PRDM16: variants seen among roughly 807,000 people sequenced by gnomAD.
PRDM16 encodes the protein PR/SET domain 16, also known as histone-lysine N-methyltransferase PRDM16.
PRDM16 carries 23 observed loss-of-function variants against 110.6 expected under a neutral mutation model. The observed-to-expected ratio is 0.21, with a 90% CI of 0.15 to 0.29. PRDM16 has a LOEUF of 0.29. PRDM16 is among the 10% of genes least tolerant of loss of function. The pLI is 1.00. For synonymous variants in PRDM16, 799 were observed against 781.8 expected (o/e 1.02, Z -0.37); for missense variants, 1,615 against 1,794.3 (o/e 0.90, Z 1.81).
chr1:3,375,410 G>T (rs1351775089), intron 3 of PRDM16, among the ~76,000 whole-genome samples: 1 of 152,204 alleles, frequency 6.6e-6, no homozygotes. Context: ...CAAGAACCTG[G>T]GTCTGAGTCA....
At chr1:3,090,120 T>A (rs957328055) in intron 1 of PRDM16, among the ~76,000 whole-genome samples, 2 of 152,232 alleles carry the variant, frequency 1.3e-5, no homozygotes, top group East Asian at 3.8e-4. Context: ...TGGCCCTGTG[T>A]GCTCATTCGT....
intron 3 of PRDM16, among the ~76,000 whole-genome samples, chr1:3,249,876 A>G (rs1304630345): frequency 6.6e-6 from 1 of 152,230 alleles, no homozygotes; most frequent in Non-Finnish European, 1.5e-5. Context: ...GAGAACAATA[A>G]TGTTGAGGTC....
rs1300993744 is a variant in PRDM16 at position 3,412,131 on chromosome 1, G to T, written c.1934G>T (p.Gly645Val). 1 of 1,565,106 alleles carries T rather than the reference G, an allele frequency of 6.4e-7. No homozygotes were observed. The highest frequency in any genetic ancestry group is 8.7e-7 in the Non-Finnish European group (1 of 1,155,868). ...AAGGGCAAGGGCAAGTCCGCCGAGG[G>T]CCAGCCCAAGTTTGGGGGCGGCTTG... The part of the protein sequence containing the change: ...KDKGKGKSAE[G>V]QPKFGGGLAP... Residue 645 changes from glycine to valine, a missense_variant, in exon 9 of 17, where the codon GGC becomes GTC. Physicochemically the swap from Gly to Val is moderately radical, Grantham distance 109 (BLOSUM62 -3). Coordinates refer to ENST00000270722, the MANE Select transcript of PRDM16 (RefSeq NM_022114.4).
At chr1:3,111,036 G>T (rs1642779781) in intron 1 of PRDM16, among the ~76,000 whole-genome samples, 1 of 152,192 alleles carries the variant, frequency 6.6e-6, no homozygotes, top group Non-Finnish European at 1.5e-5. Flanking sequence ...ATGTATTGAG[G>T]AATCCCTGGG....
intron 3 of PRDM16, among the ~76,000 whole-genome samples, chr1:3,336,958 C>G (rs1642170324): frequency 7.1e-6 from 1 of 140,796 alleles, no homozygotes; most frequent in Non-Finnish European, 1.5e-5. Context: ...TCTGTGAGCA[C>G]ATGCATGCAC....
At position 3,432,172 on chromosome 1, in the gene PRDM16, C is replaced by A. The variant is rs945294635; in HGVS notation, c.3696+32C>A. The A allele has an allele frequency of 2.5e-6, 4 of 1,595,146 alleles. No individual in the cohort carries two copies. In the African/African-American group the frequency reaches 5.4e-5, roughly 21 times the overall value. ...ACCCGCCAGAGCCCCTCCCCCACCC[C>A]ACCTGGCCTCCTCAGCCAGAGGACA... On this transcript the variant is annotated intron_variant, in intron 16 of 16. Coordinates refer to ENST00000270722, the MANE Select transcript of PRDM16 (RefSeq NM_022114.4).
intron 2 of PRDM16, among the ~76,000 whole-genome samples, chr1:3,193,119 C>G (rs950485743): frequency 6.6e-6 from 1 of 152,048 alleles, no homozygotes; most frequent in Non-Finnish European, 1.5e-5. Context: ...CCAGCAGACA[C>G]AGCGGCCAGA....
chr1:3,408,502 G>A (rs762976659), intron 8 of PRDM16, among the ~76,000 whole-genome samples: 26 of 152,012 alleles, frequency 1.7e-4, no homozygotes, highest in Admixed American at 1.2e-3. Context: ...GAGTGTGGGC[G>A]CGTGCACCGG....
chr1:3,130,096 G>A (rs1422926433), intron 1 of PRDM16, among the ~76,000 whole-genome samples: 1 of 152,172 alleles, frequency 6.6e-6, no homozygotes, highest in Non-Finnish European at 1.5e-5. Flanking sequence ...CCCCCAACAG[G>A]TCCTGGGCTG....
intron 1 of PRDM16, among the ~76,000 whole-genome samples, chr1:3,181,263 T>C (rs1644169091): frequency 1.5e-5 from 2 of 135,094 alleles, no homozygotes; most frequent in African/African-American, 2.9e-5. Flanking sequence ...CACGCAGTCT[T>C]ACACACGGCC....
chr1:3,301,937 G>T (rs988972786), intron 3 of PRDM16, among the ~76,000 whole-genome samples: 5 of 152,320 alleles, frequency 3.3e-5, no homozygotes, highest in Admixed American at 2.0e-4. Flanking sequence ...GTCACCGGGG[G>T]ACTGCTGACT....
intron 2 of PRDM16, among the ~76,000 whole-genome samples, chr1:3,216,038 A>G (rs1461503812): frequency 1.1e-4 from 17 of 152,236 alleles, no homozygotes; most frequent in African/African-American, 2.4e-5. Context: ...TAAATTATTC[A>G]TACATTTATG....
chr1:3,298,300 C>T (rs1266829519), intron 3 of PRDM16, among the ~76,000 whole-genome samples: 1 of 152,226 alleles, frequency 6.6e-6, no homozygotes, highest in African/African-American at 2.4e-5. Context: ...TCCCATGGTT[C>T]TGAGCACTCA....
chr1:3,071,595 A>G lies in PRDM16; in HGVS notation c.37+2299A>G, dbSNP rs571905793. ...AGCAAGAAGGCAGGATCCGCTGAAG[A>G]ATTTCATTTCATCAGGCGATATTTT... On this transcript the variant is annotated intron_variant, in intron 1 of 16. Coordinates refer to ENST00000270722, the MANE Select transcript of PRDM16 (RefSeq NM_022114.4). 5.1e-4 allele frequency among the ~76,000 whole-genome samples: 77 copies of G among 152,226 alleles called. 1 individual carries two copies. The highest frequency in any genetic ancestry group is 1.3e-3 in the Admixed American group (20 of 15,288).
At chr1:3,260,654 T>C (rs1399563139) in intron 3 of PRDM16, among the ~76,000 whole-genome samples, 1 of 148,592 alleles carries the variant, frequency 6.7e-6, no homozygotes, top group Non-Finnish European at 1.5e-5. Context: ...ATGTTAATGA[T>C]GAAGGAAATG....
At chr1:3,241,892 A>C (rs927415786) in intron 2 of PRDM16, among the ~76,000 whole-genome samples, 5 of 152,148 alleles carry the variant, frequency 3.3e-5, no homozygotes, top group Admixed American at 6.5e-5. Flanking sequence ...CAGCAGGCCC[A>C]GGGTGGCATC....
intron 3 of PRDM16, among the ~76,000 whole-genome samples, chr1:3,373,588 C>T (rs926116628): frequency 1.3e-5 from 2 of 152,208 alleles, no homozygotes; most frequent in African/African-American, 4.8e-5. Context: ...CAGGCCTGGT[C>T]AACCTGGCGT....
rs747252714 is a variant in PRDM16 at position 3,407,836 on chromosome 1, C to T, written c.1186+2188C>T. Among the ~76,000 whole-genome samples, 57 of 152,258 alleles carry T rather than the reference C, an allele frequency of 3.7e-4. 1 individual carries two copies. The highest frequency in any genetic ancestry group is 1.5e-4 in the Non-Finnish European group (10 of 68,048). The stretch of plus-strand genomic sequence containing the variant: ...CAGGGAAACTCAACTGGCCCTGCCC[C>T]GCCTCGGCGACTCTTGCGCTTCTTG... On this transcript the variant is annotated intron_variant, in intron 8 of 16. Transcript: ENST00000270722.
chr1:3,418,042 G>T, intron 11 of PRDM16, 45 bp downstream of exon 11: 1 of 1,530,836 alleles, frequency 6.5e-7, no homozygotes, highest in Non-Finnish European at 8.9e-7. Context: ...GGCGGGGCTC[G>T]AGTGCCACAC....
Sources: gnomAD v4.1 joint callset for allele counts (sites outside exome capture counted in the v4.1 genomes callset) on GRCh38, gnomAD v4.1.1 for gene constraint, MANE v1.5 for transcripts, NCBI Gene and HGNC (gene_info 2026-07-23, HGNC 2026-07-21) for gene names.